Variants in KCNT1 observed in about 807,000 individuals in gnomAD.
KCNT1 encodes potassium sodium-activated channel subfamily T member 1, also known as potassium channel subfamily T member 1.
In KCNT1, 78 loss-of-function variants were observed where a neutral mutation model predicts 147.8. The observed-to-expected ratio is 0.53, with a 90% CI of 0.44 to 0.64. KCNT1 has a LOEUF of 0.64. KCNT1 is among the 30% of genes least tolerant of loss of function. The probability of loss-of-function intolerance (pLI) is 0.00; values close to 1 mark genes in which losing one functional copy is unlikely to be tolerated. For missense variants in KCNT1, 1,419 were observed against 1,750.3 expected, an observed-to-expected ratio of 0.81 and a Z score of 3.38; for synonymous variants, 867 against 748.8, an observed-to-expected ratio of 1.16 and a Z score of -2.58.
At chr9:135,722,299 GC>G (rs1835957441) in intron 2 of KCNT1, among the ~76,000 whole-genome samples, 1 of 152,246 alleles carries the variant, frequency 6.6e-6, no homozygotes, top group Admixed American at 6.5e-5. Flanking sequence ...CACCCCTGGG[GC>G]CGGCACAGCG....
At chr9:135,782,655 C>G (rs1281438865) in intron 24 of KCNT1, among the ~76,000 whole-genome samples, 1 of 152,182 alleles carries the variant, frequency 6.6e-6, no homozygotes, top group Non-Finnish European at 1.5e-5. Flanking sequence ...AAACGTCCAG[C>G]TTTTTCTTTC....
At chr9:135,773,597 C>G (rs930938507) in intron 19 of KCNT1, among the ~76,000 whole-genome samples, 4 of 152,278 alleles carry the variant, frequency 2.6e-5, no homozygotes, top group African/African-American at 9.6e-5. Context: ...GGAGGCCCCA[C>G]TCTGTTCTCA....
intron 2 of KCNT1, among the ~76,000 whole-genome samples, chr9:135,726,740 CCT>C (rs1836164440): frequency 7.7e-6 from 1 of 129,674 alleles, no homozygotes; most frequent in Non-Finnish European, 1.7e-5. Context: ...CCTTTCCCTC[CCT>C]CTCTCCCTCC....
chr9:135,763,044 T>TCTGAGC (rs1832017679), intron 11 of KCNT1, among the ~76,000 whole-genome samples: 1 of 152,110 alleles, frequency 6.6e-6, no homozygotes, highest in African/African-American at 2.4e-5. Context: ...AGGCCCTGAG[T>TCTGAGC]GGGACAAGCT....
At chr9:135,713,975 C>A (rs1835611785) in intron 1 of KCNT1, among the ~76,000 whole-genome samples, 1 of 151,616 alleles carries the variant, frequency 6.6e-6, no homozygotes, top group African/African-American at 2.4e-5. Context: ...GCCTGGCAGC[C>A]CCCCGGGGTT....
rs1423739032 is a variant in KCNT1, at chr9:135,795,311, G to A, written c.*3150G>A. 6.6e-6 allele frequency: 1 copy of A among 152,004 alleles called. No homozygotes were observed. The highest frequency in any genetic ancestry group is 2.4e-5 in the African/African-American group (1 of 41,372). The allele number at this position is 152,004 out of a possible 1,614,324, so 9.4% of individuals were successfully genotyped here. A position where few individuals can be genotyped will look rare whatever the true frequency, so the allele number is the denominator to read the frequency against. On this transcript the variant is annotated 3_prime_UTR_variant, in exon 31 of 31. Coordinates refer to ENST00000371757, the MANE Select transcript of KCNT1 (RefSeq NM_020822.3). ...AAAAAAAAAATAGCTAGACGTGGTG[G>A]CATGTGCATACAGTCCCAGGTACCC...
At chr9:135,711,935 C>T (rs1398820555) in intron 1 of KCNT1, among the ~76,000 whole-genome samples, 4 of 152,260 alleles carry the variant, frequency 2.6e-5, no homozygotes, top group Non-Finnish European at 4.4e-5. Flanking sequence ...TCACACTCTT[C>T]CTATAAGGGA....
intron 7 of KCNT1, 45 bp downstream of exon 7, chr9:135,756,977 TCCCCACC>T: frequency 1.0e-6 from 1 of 966,008 alleles, no homozygotes; most frequent in Non-Finnish European, 1.4e-6. Context: ...GTCCCCACCC[TCCCCACC>T]CTCCCCAGCC....
chr9:135,723,262 G>A (rs540071365), intron 2 of KCNT1, among the ~76,000 whole-genome samples: 1 of 152,358 alleles, frequency 6.6e-6, no homozygotes, highest in South Asian at 2.1e-4. Flanking sequence ...CCCGTGACCC[G>A]TCACCCCTCC....
At chr9:135,790,616 G>C (rs1386956361) in intron 29 of KCNT1, 1 of 152,474 alleles carries the variant, frequency 6.6e-6, no homozygotes, top group Non-Finnish European at 1.5e-5. Flanking sequence ...CACTGCAGAG[G>C]GACCAGCATG....
At chr9:135,731,991 T>TATATATATAGAGAG (rs1276318460) in intron 2 of KCNT1, among the ~76,000 whole-genome samples, 24 of 21,710 alleles carry the variant, frequency 1.1e-3, no homozygotes, top group East Asian at 2.3e-3. Flanking sequence ...TATATATATA[T>TATATATATAGAGAG]AGAGAGAGAG....
At chr9:135,765,476 G>T in intron 12 of KCNT1, 148 bp from the exon 13 acceptor site, 1 of 940,480 alleles carries the variant, frequency 1.1e-6, no homozygotes, top group East Asian at 2.7e-5. Context: ...GGCCCTGCGG[G>T]GGCCCCTCTT....
Position 135,784,503 on chromosome 9 carries a change from CTCCCTCCCTCCCTCCCT to C in KCNT1, c.2944-31_2944-15del. The stretch of plus-strand genomic sequence containing the variant: ...TGTGGCTCCCTCCCTCCCTCCCTCC[CTCCCTCCCTCCCTCCCT>C]CCCTCCCTGGCCAGTCCTTCGTGAA... On this transcript the variant is annotated splice_polypyrimidine_tract_variant and intron_variant, in intron 25 of 30. Transcript: ENST00000371757. 4.2e-6 allele frequency: 2 copies of C among 479,718 alleles called. No homozygotes were observed. Among genetic ancestry groups the C allele is most frequent in the Non-Finnish European group, 7.5e-6 (2 of 266,514 alleles). 29.7% of individuals were successfully genotyped at this position (479,718 alleles called of 1,614,324 possible). A position where few individuals can be genotyped will look rare whatever the true frequency, so the allele number is the denominator to read the frequency against.
chr9:135,716,311 A>G (rs1404806309), intron 2 of KCNT1, among the ~76,000 whole-genome samples: 1 of 152,104 alleles, frequency 6.6e-6, no homozygotes, highest in African/African-American at 2.4e-5. Flanking sequence ...TGGTTGATCA[A>G]ATTGTAATGC....
At chr9:135,725,682 C>CG (rs1001506846) in intron 2 of KCNT1, among the ~76,000 whole-genome samples, 3 of 152,064 alleles carry the variant, frequency 2.0e-5, no homozygotes, top group Non-Finnish European at 4.4e-5. Context: ...GCACCAAAGC[C>CG]GGGGGGGCCC....
At chr9:135,750,222 G>A in intron 3 of KCNT1, 45 bp downstream of exon 3, 1 of 1,522,498 alleles carries the variant, frequency 6.6e-7, no homozygotes, top group Non-Finnish European at 9.1e-7. Flanking sequence ...GGGAGGTGTT[G>A]AGGGCGCCGG....
intron 1 of KCNT1, among the ~76,000 whole-genome samples, chr9:135,705,540 T>C (rs556831624): frequency 5.9e-5 from 9 of 152,338 alleles, no homozygotes; most frequent in African/African-American, 2.2e-4. Context: ...TCACCGGTCA[T>C]GAGTCTGGGG....
rs758136019 is a variant in KCNT1 at position 135,756,981 on chromosome 9, C to T, written c.600+49C>T. The T allele has an allele frequency of 2.3e-6, 3 of 1,278,586 alleles. No individual in the cohort carries two copies. In the South Asian group the frequency reaches 3.9e-5, roughly 17 times the overall value. The allele number at this position is 1,278,586 out of a possible 1,614,324, so 79.2% of individuals were successfully genotyped here. ...CCTCACAGGGGGTCCCCACCCTCCC[C>T]ACCCTCCCCAGCCTCCCCCACCTCC... On this transcript the variant is annotated intron_variant, in intron 7 of 30. Coordinates refer to ENST00000371757, the MANE Select transcript of KCNT1 (RefSeq NM_020822.3).
Position 135,714,715 on chromosome 9 carries a change from C to G in KCNT1, c.249C>G (p.Asp83Glu). Residue 83 changes from aspartate (D) to glutamate (E), a missense_variant, in exon 2 of 31, where the codon GAC becomes GAG. Transcript: ENST00000371757. This position sits in a 1 kb window ranked among gnomAD's most constrained non-coding sequence, Gnocchi z 6.2. ...TGGGCGACCCGTCCTTCCAGAACGA[C>G]GACAGGTAGGGACCGGGCGCGGGGT... ...LLLGDPSFQN[D>E]DRVQVEFYVN... 7.0e-7 allele frequency: 1 copy of G among 1,427,706 alleles called. No individual in the cohort carries two copies. The highest frequency in any genetic ancestry group is 9.3e-7 in the Non-Finnish European group (1 of 1,076,772). The allele number at this position is 1,427,706 out of a possible 1,614,324, so 88.4% of individuals were successfully genotyped here. A position where few individuals can be genotyped will look rare whatever the true frequency, so the allele number is the denominator to read the frequency against.
Sources: gnomAD v4.1 joint callset for allele counts (sites outside exome capture counted in the v4.1 genomes callset) on GRCh38, gnomAD v4.1.1 for gene constraint, Gnocchi (gnomAD v3.1) non-coding constraint, MANE v1.5 for transcripts, NCBI Gene and HGNC (gene_info 2026-07-23, HGNC 2026-07-21) for gene names.